The following ZNF765 variants were observed in gnomAD, a reference collection of about 807,000 sequenced individuals.
ZNF765 encodes zinc finger protein 765.
In ZNF765, 37 loss-of-function variants were observed where a neutral mutation model predicts 44.7. The observed-to-expected ratio is 0.83, with a 90% CI of 0.64 to 1.09. The LOEUF (loss-of-function observed/expected upper bound fraction) is 1.09. Among genes scored for constraint, ZNF765 ranks in the 50% least tolerant of loss-of-function variants. The pLI, the probability that ZNF765 is intolerant of heterozygous loss-of-function variation, is 0.00. For missense variants in ZNF765, 594 were observed against 626.1 expected (o/e 0.95, Z 0.55); for synonymous variants, 201 against 213.7 (o/e 0.94, Z 0.52).
rs143699466 is a variant in ZNF765, at chr19:53,408,956, G to T, written c.1401G>T (p.Lys467Asn). The stretch of plus-strand genomic sequence containing the variant: ...TTCATACTGAAGAGAATCCTTACAA[G>T]TGTAATGAGTGTGGCAAGACCTTCA... ...QKIHTEENPY[K>N]CNECGKTFSR... The change falls in exon 4 of 4, where the codon AAG becomes AAT. Residue 467 changes from lysine (K) to asparagine (N), a missense_variant. By Grantham distance (94) the Lys-to-Asn change is moderately conservative. This residue lies in a region of ZNF765 where 567 missense variants were observed against 572.6 expected (regional missense o/e 0.99). Coordinates refer to ENST00000396408, the MANE Select transcript of ZNF765 (RefSeq NM_001040185.3). 1.4e-3 allele frequency: 2,275 copies of T among 1,604,312 alleles called. 35 individuals carry two copies. In the African/African-American group the frequency reaches 0.028, roughly 20 times the overall value.
intron 3 of ZNF765, among the ~76,000 whole-genome samples, chr19:53,420,059 T>G (rs2085898300): frequency 7.2e-6 from 1 of 138,026 alleles, no homozygotes; most frequent in East Asian, 2.2e-4. Flanking sequence ...TGTGGCCGGG[T>G]GCAGTGGCTC....
In ZNF765 at chr19:53,410,124, C is replaced by G; in HGVS notation, c.*997C>G. On this transcript the variant is annotated 3_prime_UTR_variant, in exon 4 of 4. Transcript: ENST00000396408. The stretch of plus-strand genomic sequence containing the variant: ...AAGAATGTGATGAAGCTTTCAGATT[C>G]AAATCAAACCTTGATAGTCATAGAA... The G allele has an allele frequency of 2.3e-6, 1 of 444,216 alleles. No individual in the cohort carries two copies. The allele number at this position is 444,216 out of a possible 1,614,324, so 27.5% of individuals were successfully genotyped here. A position where few individuals can be genotyped will look rare whatever the true frequency, so the allele number is the denominator to read the frequency against.
At position 53,404,696 on chromosome 19, in the gene ZNF765, G is replaced by A. The variant is rs1210331625; in HGVS notation, c.142+2505G>A. On this transcript the variant is annotated intron_variant, in intron 3 of 3. Transcript: ENST00000396408. Reference sequence around the variant, plus strand: ...AGTATGTTCTTCATCTCCTGACCTCGTGATCCTCCTGCCTCAGCCTCCCAA... The same window carrying A: ...AGTATGTTCTTCATCTCCTGACCTCATGATCCTCCTGCCTCAGCCTCCCAA... Among the ~76,000 whole-genome samples the A allele has an allele frequency of 6.6e-5, 10 of 152,176 alleles. No homozygotes were observed. In the East Asian group the frequency reaches 1.9e-3, roughly 30 times the overall value.
intron 3 of ZNF765, among the ~76,000 whole-genome samples, chr19:53,404,740 G>A (rs192739827): frequency 6.6e-6 from 1 of 152,144 alleles, no homozygotes; most frequent in Non-Finnish European, 1.5e-5. Flanking sequence ...GATTACAGGC[G>A]TGAACCACCA....
downstream of ZNF765, chr19:53,413,091 C>A (rs1484472450): frequency 2.7e-5 from 10 of 375,460 alleles, no homozygotes; most frequent in Admixed American, 3.7e-4. Flanking sequence ...GCCTGCGCAA[C>A]AAGAGCGAAA....
At chr19:53,407,654 C>G in intron 3 of ZNF765, 44 bp from the exon 4 acceptor site, 1 of 1,373,084 alleles carries the variant, frequency 7.3e-7, no homozygotes, top group Non-Finnish European at 9.8e-7. Context: ...CATTATTTAC[C>G]ATCTGTACTT....
chr19:53,401,965 T>C (rs1202515628), intron 2 of ZNF765, 100 bp from the exon 3 acceptor site: 3 of 1,611,902 alleles, frequency 1.9e-6, no homozygotes, highest in East Asian at 2.2e-5. Flanking sequence ...GAACATTCAC[T>C]GCATTTAAAT....
chr19:53,412,768 C>T (rs960640460), downstream of ZNF765, among the ~76,000 whole-genome samples: 5 of 152,114 alleles, frequency 3.3e-5, no homozygotes, highest in Non-Finnish European at 7.4e-5. Context: ...ATCCACCCGC[C>T]TCGGCCTCCC....
Position 53,410,389 on chromosome 19 carries a change from C to T in ZNF765, c.*1262C>T. 3.0e-6 allele frequency: 1 copy of T among 336,806 alleles called. No homozygotes were observed. Among genetic ancestry groups the T allele is most frequent in the South Asian group, 2.7e-5 (1 of 37,166 alleles). The allele number at this position is 336,806 out of a possible 1,614,324, so 20.9% of individuals were successfully genotyped here. Reference sequence around the variant, plus strand: ...TCAGTCACACTCAAACCTTGAAAGACACAGGAGAATTCCTACTGGAGAGAT... The same window carrying T: ...TCAGTCACACTCAAACCTTGAAAGATACAGGAGAATTCCTACTGGAGAGAT... On this transcript the variant is annotated 3_prime_UTR_variant, in exon 4 of 4. Transcript: ENST00000396408.
rs1468686021 is a variant in ZNF765 at position 53,409,363 on chromosome 19, C to A, written c.*236C>A. ...CATCATAAACTTCATAGTGGAGAGA[C>A]CTTACAAATGTGAAGAATGTGAAGA... On this transcript the variant is annotated 3_prime_UTR_variant, in exon 4 of 4. Coordinates refer to ENST00000396408, the MANE Select transcript of ZNF765 (RefSeq NM_001040185.3). 2.4e-6 allele frequency: 2 copies of A among 837,392 alleles called. No homozygotes were observed. The highest frequency in any genetic ancestry group is 2.1e-6 in the Non-Finnish European group (1 of 479,714). 51.9% of individuals were successfully genotyped at this position (837,392 alleles called of 1,614,324 possible).
chr19:53,399,454 A>C (rs2085701498), intron 2 of ZNF765, among the ~76,000 whole-genome samples: 1 of 151,922 alleles, frequency 6.6e-6, no homozygotes, highest in East Asian at 1.9e-4. Flanking sequence ...AGTCTCATAC[A>C]CATGTATTTC....
rs915814996 is a variant in ZNF765, at chr19:53,402,052, G to A, written c.16-13G>A. ...TCCCATAACCATTTGGTTAAAATGTGTTTTCATTTCAGGGTCTATTGACAT... is the reference window on the plus strand; with the variant it reads ...TCCCATAACCATTTGGTTAAAATGTATTTTCATTTCAGGGTCTATTGACAT... On this transcript the variant is annotated splice_polypyrimidine_tract_variant and intron_variant, in intron 2 of 3. Coordinates refer to ENST00000396408, the MANE Select transcript of ZNF765 (RefSeq NM_001040185.3). 87 of 1,613,592 alleles carry A rather than the reference G, an allele frequency of 5.4e-5. No individual in the cohort carries two copies. The Admixed American group carries it at 5.8e-4, about 11-fold the overall frequency.
rs1568780863 is a variant in ZNF765 at position 53,408,296 on chromosome 19, A to G, written c.741A>G (p.Ile247Met). The G allele has an allele frequency of 6.2e-7, 1 of 1,614,246 alleles. No individual in the cohort carries two copies. The highest frequency in any genetic ancestry group is 1.7e-5 in the Admixed American group (1 of 60,024). ...HLGEKQYKCD[I>M]CGKVFNSKRY... ...GAGAGAAACAATATAAATGCGATAT[A>G]TGTGGCAAGGTCTTTAATTCGAAGC... The change falls in exon 4 of 4, where the codon ATA becomes ATG. Residue 247 changes from isoleucine (I) to methionine (M), a missense_variant. Ile to Met is a conservative substitution (Grantham distance 10, BLOSUM62 1). Around this residue, in one of 2 missense-constraint regions of ZNF765, gnomAD observed 567 missense variants for 572.6 expected, o/e 0.99. Transcript: ENST00000396408.
At chr19:53,401,804 A>T (rs1205225592) in intron 2 of ZNF765, 6 of 817,526 alleles carry the variant, frequency 7.3e-6, no homozygotes, top group Non-Finnish European at 1.1e-5. Context: ...TGATCCTGGG[A>T]CTTGGAGGTT....
At chr19:53,427,003 C>T in exon 4 of ZNF765, 1 of 142,000 alleles carries the variant, frequency 7.0e-6, no homozygotes. Context: ...AAGCTGCATC[C>T]TCTTCTGTCC....
chr19:53,417,576 T>C (rs1284806123), intron 3 of ZNF765, among the ~76,000 whole-genome samples: 1 of 152,230 alleles, frequency 6.6e-6, no homozygotes, highest in African/African-American at 2.4e-5. Context: ...TGAATAGTGC[T>C]GCAACGAACA....
At chr19:53,417,385 G>A (rs1276342934) in intron 3 of ZNF765, among the ~76,000 whole-genome samples, 2 of 152,058 alleles carry the variant, frequency 1.3e-5, no homozygotes, top group Non-Finnish European at 2.9e-5. Context: ...TGGCATTTGG[G>A]TTTGTGTTCC....
At position 53,410,227 on chromosome 19, in the gene ZNF765, C is replaced by A; in HGVS notation, c.*1100C>A. On this transcript the variant is annotated 3_prime_UTR_variant, in exon 4 of 4. Transcript: ENST00000396408. The stretch of plus-strand genomic sequence containing the variant: ...TCAAAAAGCAAAGCTTGCACATCAT[C>A]ATAGAATTCATACTGGAGATAAACG... The A allele has an allele frequency of 2.7e-6, 1 of 365,434 alleles. No homozygotes were observed. The highest frequency in any genetic ancestry group is 5.6e-6 in the Non-Finnish European group (1 of 179,732). 22.6% of individuals were successfully genotyped at this position (365,434 alleles called of 1,614,324 possible). A position where few individuals can be genotyped will look rare whatever the true frequency, so the allele number is the denominator to read the frequency against.
At chr19:53,415,503 T>G (rs2085869585), downstream of ZNF765, among the ~76,000 whole-genome samples, 1 of 152,226 alleles carries the variant, frequency 6.6e-6, no homozygotes. Flanking sequence ...GAAAATTATG[T>G]GTAGATATAA....
Sources: allele counts gnomAD v4.1 joint callset (sites outside exome capture counted in the v4.1 genomes callset), GRCh38; gene constraint gnomAD v4.1.1; regional missense constraint gnomAD v4.1.1; transcripts MANE v1.5; gene names NCBI Gene and HGNC (gene_info 2026-07-23, HGNC 2026-07-21).